The following CYB5RL variants were observed in gnomAD, a reference collection of about 807,000 sequenced individuals.
The protein encoded by CYB5RL is cytochrome b5 reductase like.
In CYB5RL, 38 loss-of-function variants were observed where a neutral mutation model predicts 37.5. The ratio of observed to expected loss-of-function variants is 1.01; its 90% CI spans 0.78 to 1.33. The LOEUF is 1.33. Ranked by LOEUF, CYB5RL falls within the 40% of genes most tolerant of loss-of-function variation. The pLI is 0.00. For synonymous variants in CYB5RL, 141 were observed against 151.9 expected (o/e 0.93, Z 0.53); for missense variants, 388 against 394.4 (o/e 0.98, Z 0.14).
chr1:54,197,469 G>T (rs575990040), intron 1 of CYB5RL, among the ~76,000 whole-genome samples: 1 of 151,960 alleles, frequency 6.6e-6, no homozygotes, highest in African/African-American at 2.4e-5. Context: ...GAAAACAGGC[G>T]CCCAACACAA....
chr1:54,177,784 C>T (rs576305673), intron 7 of CYB5RL, among the ~76,000 whole-genome samples: 2 of 152,284 alleles, frequency 1.3e-5, no homozygotes, highest in South Asian at 2.1e-4. Flanking sequence ...CCTTTTCAGC[C>T]GTCTCTGTGG....
Position 54,200,027 on chromosome 1 carries a change from C to T in CYB5RL, c.-274G>A. Reference sequence around the variant, plus strand: ...GAGGATTTTCCAGGTTCCTCCCAGTCTCTGGGTAGGCGGGGAGCGCTTAGC... The same window carrying T: ...GAGGATTTTCCAGGTTCCTCCCAGTTTCTGGGTAGGCGGGGAGCGCTTAGC... On this transcript the variant is annotated 5_prime_UTR_variant, in exon 1 of 8. Transcript: ENST00000534324. The T allele has an allele frequency of 1.8e-6, 1 of 563,410 alleles. No individual in the cohort carries two copies. Among genetic ancestry groups the T allele is most frequent in the East Asian group, 3.0e-5 (1 of 32,822 alleles). 34.9% of individuals were successfully genotyped at this position (563,410 alleles called of 1,614,324 possible).
intron 3 of CYB5RL, among the ~76,000 whole-genome samples, chr1:54,191,751 C>T (rs1643956139): frequency 6.6e-6 from 1 of 152,154 alleles, no homozygotes; most frequent in Admixed American, 6.5e-5. Flanking sequence ...GCATTCAAGG[C>T]CTTGTCTCCA....
chr1:54,193,345 G>C (rs1225265370), intron 3 of CYB5RL, among the ~76,000 whole-genome samples: 1 of 151,262 alleles, frequency 6.6e-6, no homozygotes, highest in East Asian at 1.9e-4. Flanking sequence ...AGTACATCTA[G>C]ATGGTGTCTG....
At chr1:54,176,790 CACAA>C (rs1027277122) in intron 7 of CYB5RL, among the ~76,000 whole-genome samples, 2 of 152,182 alleles carry the variant, frequency 1.3e-5, no homozygotes, top group Non-Finnish European at 2.9e-5. Context: ...TAGGGGACCC[CACAA>C]ACAGTGACGG....
chr1:54,179,137 C>G lies in CYB5RL; in HGVS notation c.744+12G>C. On this transcript the variant is annotated intron_variant, in intron 7 of 7. Coordinates refer to ENST00000534324, the MANE Select transcript of CYB5RL (RefSeq NM_001031672.4). ...TCTCAATCAAAAAAGAAAGTCACCA[C>G]CCTGGGCTCACCTGGCTGAGTACAA... The G allele has an allele frequency of 6.2e-7, 1 of 1,609,646 alleles. No homozygotes were observed. The highest frequency in any genetic ancestry group is 8.5e-7 in the Non-Finnish European group (1 of 1,178,274).
In CYB5RL at chr1:54,183,282, T is replaced by C. The variant is rs539704512; in HGVS notation, c.540+879A>G. Reference sequence around the variant, plus strand: ...GTTTCCAATTTTCTGCTATTATAAATAAAGATGCAATGAACATACGCAGAA... The same window carrying C: ...GTTTCCAATTTTCTGCTATTATAAACAAAGATGCAATGAACATACGCAGAA... On this transcript the variant is annotated intron_variant, in intron 6 of 7. Coordinates refer to ENST00000534324, the MANE Select transcript of CYB5RL (RefSeq NM_001031672.4). Among the ~76,000 whole-genome samples the C allele has an allele frequency of 2.2e-3, 342 of 152,326 alleles. 1 individual carries two copies. Among genetic ancestry groups the C allele is most frequent in the African/African-American group, 8.0e-3 (333 of 41,574 alleles).
At chr1:54,180,637 T>G (rs569244019) in intron 6 of CYB5RL, among the ~76,000 whole-genome samples, 1 of 152,040 alleles carries the variant, frequency 6.6e-6, no homozygotes, top group East Asian at 1.9e-4. Flanking sequence ...GTGACCCTCT[T>G]TAAGGTCAGT....
intron 7 of CYB5RL, among the ~76,000 whole-genome samples, chr1:54,177,160 G>A (rs146582517): frequency 2.5e-4 from 38 of 152,314 alleles, no homozygotes; most frequent in African/African-American, 8.9e-4. Context: ...AAACAGGGTG[G>A]TGGTAGGGTC....
At chr1:54,177,679 G>C (rs1046101652) in intron 7 of CYB5RL, among the ~76,000 whole-genome samples, 8 of 152,160 alleles carry the variant, frequency 5.3e-5, no homozygotes, top group African/African-American at 1.9e-4. Flanking sequence ...GAGCATGATG[G>C]GAGTATAAGC....
intron 1 of CYB5RL, among the ~76,000 whole-genome samples, chr1:54,197,257 A>C (rs1320158642): frequency 6.6e-6 from 1 of 151,514 alleles, no homozygotes; most frequent in East Asian, 1.9e-4. Flanking sequence ...CACTCCATGC[A>C]CTTGGTCCAT....
chr1:54,192,185 T>A (rs1235029447), intron 3 of CYB5RL, among the ~76,000 whole-genome samples: 1 of 149,068 alleles, frequency 6.7e-6, no homozygotes, highest in Non-Finnish European at 1.5e-5. Flanking sequence ...TTGCAAATTT[T>A]TTTTTTTTTT....
At chr1:54,184,490 TA>T (rs1660242134) in intron 5 of CYB5RL, 2 of 505,858 alleles carry the variant, frequency 4.0e-6, no homozygotes, top group Admixed American at 6.8e-5. Context: ...TGAGAATCCA[TA>T]GGACCTAAAG....
chr1:54,190,891 G>T lies in CYB5RL; in HGVS notation c.204C>A (p.Cys68Ter). 6.2e-7 allele frequency: 1 copy of T among 1,611,322 alleles called. No homozygotes were observed. The highest frequency in any genetic ancestry group is 8.5e-7 in the Non-Finnish European group (1 of 1,179,128). The change falls in exon 4 of 8, where the codon TGC becomes TGA. Residue 68 changes from cysteine (C) to a stop codon, truncating the protein, a stop_gained. Coordinates refer to ENST00000534324, the MANE Select transcript of CYB5RL (RefSeq NM_001031672.4). LOFTEE classifies it high-confidence loss of function. ...SLLRGPESQSCPSKLNPETFV... is the reference protein window; with the variant it reads ...SLLRGPESQS ...AGGTCTCTGGGTTCAGCTTGGAGGG[G>T]CAGCTCTGCAACAGGAAGAGATCCA... is the stretch of plus-strand genomic sequence containing the variant.
intron 3 of CYB5RL, among the ~76,000 whole-genome samples, chr1:54,192,187 T>C (rs1643960730): frequency 1.3e-5 from 2 of 150,502 alleles, no homozygotes; most frequent in South Asian, 4.2e-4. Context: ...GCAAATTTTT[T>C]TTTTTTTTTT....
chr1:54,177,295 G>A (rs1660044570), intron 7 of CYB5RL, among the ~76,000 whole-genome samples: 2 of 152,224 alleles, frequency 1.3e-5, no homozygotes, highest in South Asian at 4.2e-4. Context: ...TCAAGAGAGT[G>A]TGTACAGGCA....
rs1660241723 is a variant in CYB5RL, at chr1:54,184,461, G to C, written c.436-196C>G. On this transcript the variant is annotated intron_variant, in intron 5 of 7. Transcript: ENST00000534324. The stretch of plus-strand genomic sequence containing the variant: ...ATGAGGCCCAGAAGCTTACACAGAA[G>C]GCAGACAGGAGGCTGGGATGAGAAT... 5.6e-6 allele frequency: 3 copies of C among 540,006 alleles called. No individual in the cohort carries two copies. In the Admixed American group the frequency reaches 9.9e-5, roughly 18 times the overall value. 33.5% of individuals were successfully genotyped at this position (540,006 alleles called of 1,614,324 possible).
At chr1:54,191,222 A>G (rs1056415768) in intron 3 of CYB5RL, among the ~76,000 whole-genome samples, 2 of 152,134 alleles carry the variant, frequency 1.3e-5, no homozygotes, top group Admixed American at 6.5e-5. Context: ...CTAATGCCAG[A>G]CTTTTCTTTG....
In CYB5RL at chr1:54,200,016, T is replaced by C. The variant is rs531872249; in HGVS notation, c.-263A>G. 98 of 547,436 alleles carry C rather than the reference T, an allele frequency of 1.8e-4. No homozygotes were observed. Among genetic ancestry groups the C allele is most frequent in the South Asian group, 1.8e-3 (68 of 38,524 alleles). The allele number at this position is 547,436 out of a possible 1,614,324, so 33.9% of individuals were successfully genotyped here. A position where few individuals can be genotyped will look rare whatever the true frequency, so the allele number is the denominator to read the frequency against. On this transcript the variant is annotated 5_prime_UTR_variant, in exon 1 of 8. Coordinates refer to ENST00000534324, the MANE Select transcript of CYB5RL (RefSeq NM_001031672.4). ...TCACCTCACGTGAGGATTTTCCAGGTTCCTCCCAGTCTCTGGGTAGGCGGG... is the reference window on the plus strand; with the variant it reads ...TCACCTCACGTGAGGATTTTCCAGGCTCCTCCCAGTCTCTGGGTAGGCGGG...
Sources: gnomAD v4.1 joint callset for allele counts (sites outside exome capture counted in the v4.1 genomes callset) on GRCh38, gnomAD v4.1.1 for gene constraint, MANE v1.5 for transcripts, NCBI Gene and HGNC (gene_info 2026-07-23, HGNC 2026-07-21) for gene names.